Variants in CDH20 observed in about 807,000 individuals in gnomAD.
CDH20 encodes cadherin-20.
In CDH20, 29 loss-of-function variants were observed where a neutral mutation model predicts 74.2. That is an observed-to-expected ratio of 0.39 (90% confidence interval 0.29 to 0.53). The LOEUF is 0.53. Among genes scored for constraint, CDH20 ranks in the 20% least tolerant of loss-of-function variants. The pLI is 0.69. For missense variants in CDH20, 988 were observed against 1,048.3 expected (o/e 0.94, Z 0.79); for synonymous variants, 469 against 405.4 (o/e 1.16, Z -1.88).
At chr18:61,426,765 C>T (rs1427957414) in intron 1 of CDH20, among the ~76,000 whole-genome samples, 2 of 152,244 alleles carry the variant, frequency 1.3e-5, no homozygotes, top group African/African-American at 4.8e-5. Context: ...TTTGCAGTCA[C>T]TGCTCATCTT....
At chr18:61,546,347 C>A (rs1382301385) in intron 10 of CDH20, among the ~76,000 whole-genome samples, 1 of 152,174 alleles carries the variant, frequency 6.6e-6, no homozygotes, top group African/African-American at 2.4e-5. Context: ...CTGTTTTCTT[C>A]TAAATGGCAA....
At chr18:61,451,898 C>A (rs1909400018) in intron 1 of CDH20, among the ~76,000 whole-genome samples, 1 of 152,148 alleles carries the variant, frequency 6.6e-6, no homozygotes, top group Non-Finnish European at 1.5e-5. Flanking sequence ...TGACATACCA[C>A]ATGCACTGAA....
At chr18:61,336,231 G>A (rs1444733457) in intron 1 of CDH20, among the ~76,000 whole-genome samples, 1 of 152,222 alleles carries the variant, frequency 6.6e-6, no homozygotes, top group East Asian at 1.9e-4. Flanking sequence ...TCTGCTCTCA[G>A]ATTCAGGAAG....
chr18:61,538,596 G>GTTTTTTTTTTTTTTTTTTT (rs533711893), intron 8 of CDH20, among the ~76,000 whole-genome samples: 1 of 24,516 alleles, frequency 4.1e-5, no homozygotes, highest in Non-Finnish European at 9.7e-5. Flanking sequence ...TTGTTTGTTT[G>GTTTTTTTTTTTTTTTTTTT]TTTTTGTTTT....
chr18:61,472,702 T>C lies in CDH20; in HGVS notation c.-152-17700T>C, dbSNP rs1171228842. ...CCTGTGGGAGCCAAACAAAGTGATC[T>C]GAGATAATCATTTTAAATTATTATT... On this transcript the variant is annotated intron_variant, in intron 1 of 11. Coordinates refer to ENST00000262717, the MANE Select transcript of CDH20 (RefSeq NM_031891.4). Among the ~76,000 whole-genome samples the C allele has an allele frequency of 2.0e-5, 3 of 152,378 alleles. No homozygotes were observed. The East Asian group carries it at 5.8e-4, about 29-fold the overall frequency.
At chr18:61,542,478 A>G (rs1303449050) in intron 9 of CDH20, among the ~76,000 whole-genome samples, 2 of 152,252 alleles carry the variant, frequency 1.3e-5, no homozygotes, top group Non-Finnish European at 2.9e-5. Flanking sequence ...TCCAGCTGCC[A>G]TGCAGACTAA....
chr18:61,538,078 T>C (rs1290421841), intron 8 of CDH20, among the ~76,000 whole-genome samples: 1 of 152,226 alleles, frequency 6.6e-6, no homozygotes, highest in Non-Finnish European at 1.5e-5. Context: ...TGAGTGTCTA[T>C]GACCCCAGCC....
intron 6 of CDH20, among the ~76,000 whole-genome samples, chr18:61,513,351 G>T (rs1911855858): frequency 3.4e-5 from 3 of 88,836 alleles, no homozygotes; most frequent in Admixed American, 1.3e-4. Context: ...CCATTTGCTT[G>T]GTAGATCTTC....
At chr18:61,346,929 G>A (rs1483529235) in intron 1 of CDH20, among the ~76,000 whole-genome samples, 2 of 151,974 alleles carry the variant, frequency 1.3e-5, no homozygotes, top group East Asian at 1.9e-4. Flanking sequence ...CAGCATGTCC[G>A]TCTGGGGTGC....
At chr18:61,456,634 T>C (rs898514703) in intron 1 of CDH20, among the ~76,000 whole-genome samples, 2 of 151,880 alleles carry the variant, frequency 1.3e-5, no homozygotes, top group Non-Finnish European at 2.9e-5. Flanking sequence ...CATTTTGCAA[T>C]GAAACACTTT....
In CDH20 at chr18:61,554,038, A is replaced by C. The variant is rs922033764; in HGVS notation, c.1901-152A>C. On this transcript the variant is annotated intron_variant, in intron 11 of 11. Coordinates refer to ENST00000262717, the MANE Select transcript of CDH20 (RefSeq NM_031891.4). ...AGAGGACAAAGTGGACTTAAATTAG[A>C]ACTCCCCGAGGTTTCAGATATCCAA... 3 of 819,376 alleles carry C rather than the reference A, an allele frequency of 3.7e-6. No homozygotes were observed. In the African/African-American group the frequency reaches 5.2e-5, roughly 14 times the overall value. 50.8% of individuals were successfully genotyped at this position (819,376 alleles called of 1,614,324 possible). A position where few individuals can be genotyped will look rare whatever the true frequency, so the allele number is the denominator to read the frequency against.
intron 1 of CDH20, among the ~76,000 whole-genome samples, chr18:61,365,552 G>A (rs34441427): frequency 0.26 from 39,234 of 151,954 alleles, 5,597 homozygotes; most frequent in Middle Eastern, 0.46. Context: ...TTTAATCAAA[G>A]GTTTTTTAAA....
In CDH20 at chr18:61,550,164, T is replaced by C. The variant is rs1050387915; in HGVS notation, c.1835T>C (p.Met612Thr). 6 of 1,614,180 alleles carry C rather than the reference T, an allele frequency of 3.7e-6. No homozygotes were observed. Among genetic ancestry groups the C allele is most frequent in the Middle Eastern group, 1.6e-4 (1 of 6,062 alleles). The change falls in exon 11 of 12, where the codon ATG becomes ACG. Residue 612 changes from methionine (M) to threonine (T), a missense_variant. Physicochemically the swap from Met to Thr is moderately conservative, Grantham distance 81. Coordinates refer to ENST00000262717, the MANE Select transcript of CDH20 (RefSeq NM_031891.4). ...HVMSCSPEAY[M>T]LPVSLSRGAL... is the part of the protein sequence containing the mutation. ...ATGTCCTGCAGCCCAGAGGCCTACA[T>C]GCTCCCAGTCAGTTTGAGCCGGGGC... is the stretch of plus-strand genomic sequence containing the variant.
At chr18:61,347,287 A>AATATATATATATATATATAT (rs758677743) in intron 1 of CDH20, among the ~76,000 whole-genome samples, 6 of 86,446 alleles carry the variant, frequency 6.9e-5, no homozygotes, top group African/African-American at 1.8e-4. Flanking sequence ...TGTCTCTGCT[A>AATATATATATATATATATAT]ATATATATAT....
At chr18:61,505,885 G>T (rs1911543796) in intron 5 of CDH20, among the ~76,000 whole-genome samples, 1 of 152,096 alleles carries the variant, frequency 6.6e-6, no homozygotes, top group Non-Finnish European at 1.5e-5. Flanking sequence ...CCATCTATTT[G>T]CTAAAACTAA....
intron 1 of CDH20, among the ~76,000 whole-genome samples, chr18:61,389,562 T>A (rs993826163): frequency 1.3e-5 from 2 of 152,224 alleles, no homozygotes; most frequent in Non-Finnish European, 2.9e-5. Context: ...CCAGACATTG[T>A]TCTAAGCACT....
chr18:61,502,957 A>G lies in CDH20; in HGVS notation c.666A>G (p.Val222=). 2 of 1,605,158 alleles carry G rather than the reference A, an allele frequency of 1.2e-6. No individual in the cohort carries two copies. Among genetic ancestry groups the G allele is most frequent in the Non-Finnish European group, 1.7e-6 (2 of 1,177,088 alleles). Residue 222 remains valine, a synonymous_variant, in exon 5 of 12, where the codon GTA becomes GTG. Transcript: ENST00000262717. The part of the protein sequence containing the change: ...PYFSVDSKTG[V]IRTALMNMDR... ...AAAGTCATTTCTATCCTCCAGGTGT[A>G]ATTAGGACAGCGCTCATGAACATGG... is the stretch of plus-strand genomic sequence containing the variant.
In CDH20 at chr18:61,500,426, G is replaced by C. The variant is rs150175200; in HGVS notation, c.585G>C (p.Pro195=). 3.1e-6 allele frequency: 5 copies of C among 1,612,918 alleles called. No individual in the cohort carries two copies. The highest frequency in any genetic ancestry group is 8.5e-7 in the Non-Finnish European group (1 of 1,179,194). ...IQVTATDADD[P]TYGNSARVVY... is the part of the protein sequence containing the mutation. ...TGACAGCCACAGATGCAGATGACCC[G>C]ACCTACGGCAACAGTGCCAGGGTGG... The change falls in exon 4 of 12, where the codon CCG becomes CCC. Residue 195 remains proline, a synonymous_variant. Coordinates refer to ENST00000262717, the MANE Select transcript of CDH20 (RefSeq NM_031891.4).
At chr18:61,498,255 C>A (rs2849862) in intron 2 of CDH20, among the ~76,000 whole-genome samples, 148,159 of 152,080 alleles carry the variant, frequency 0.97, 72,256 homozygotes, top group Middle Eastern at 0.99. Context: ...TAAAAACTAG[C>A]CAGGCATTGT....
Sources: gnomAD v4.1 joint callset for allele counts (sites outside exome capture counted in the v4.1 genomes callset) on GRCh38, gnomAD v4.1.1 for gene constraint, MANE v1.5 for transcripts, NCBI Gene and HGNC (gene_info 2026-07-23, HGNC 2026-07-21) for gene names.